ZYX: variants seen among roughly 807,000 people sequenced by gnomAD.
ZYX encodes zyxin, also known as zyxin-2.
ZYX carries 37 observed loss-of-function variants against 58.1 expected under a neutral mutation model. The observed-to-expected ratio is 0.64, with a 90% CI of 0.49 to 0.84. ZYX has a LOEUF of 0.84. Ranked by LOEUF, ZYX falls within the 40% of genes least tolerant of loss-of-function variation. The probability of loss-of-function intolerance (pLI) is 0.00; values close to 1 mark genes in which losing one functional copy is unlikely to be tolerated. For missense variants in ZYX, 762 were observed against 761.6 expected (o/e 1.00, Z -0.01); for synonymous variants, 324 against 321.1 (o/e 1.01, Z -0.10).
rs371072304 is a variant in ZYX at position 143,388,541 on chromosome 7, C to T, written c.1197C>T (p.Arg399=). The T allele has an allele frequency of 5.8e-5, 93 of 1,611,024 alleles. No homozygotes were observed. The highest frequency in any genetic ancestry group is 1.8e-4 in the South Asian group (16 of 91,068). ...TGGCCCGGGCGCAGCCAGCCGTCCGCGCTCTAGGGCAGCTGTTCCACATCG... is the reference window on the plus strand; with the variant it reads ...TGGCCCGGGCGCAGCCAGCCGTCCGTGCTCTAGGGCAGCTGTTCCACATCG... The part of the protein sequence containing the change: ...QPLARAQPAV[R]ALGQLFHIAC... The change falls in exon 7 of 10, where the codon CGC becomes CGT. Residue 399 remains arginine (R), a synonymous_variant. Coordinates refer to ENST00000322764, the MANE Select transcript of ZYX (RefSeq NM_003461.5). The surrounding 1 kb of genome is among the most constrained non-coding windows in gnomAD (Gnocchi z 7.5).
rs763603272 is a variant in ZYX, at chr7:143,388,273, G to C, written c.1078G>C (p.Glu360Gln). ...PLTLKEVEEL[E>Q]QLTQQLMQDM... ...GACTCTGAAGGAGGTGGAGGAGCTGGAGCAGCTGACCCAGCAGCTAATGCA... is the reference window on the plus strand; with the variant it reads ...GACTCTGAAGGAGGTGGAGGAGCTGCAGCAGCTGACCCAGCAGCTAATGCA... Residue 360 changes from glutamate to glutamine, a missense_variant, in exon 6 of 10, where the codon GAG becomes CAG. Glu to Gln is a conservative substitution (Grantham distance 29). Transcript: ENST00000322764. The surrounding 1 kb of genome is among the most constrained non-coding windows in gnomAD (Gnocchi z 7.5). 5 of 1,613,360 alleles carry C rather than the reference G, an allele frequency of 3.1e-6. No individual in the cohort carries two copies. Among genetic ancestry groups the C allele is most frequent in the African/African-American group, 1.3e-5 (1 of 74,814 alleles).
rs964888972 is a variant in ZYX, at chr7:143,389,466, ACAGT to A, written c.1494-387_1494-384del. Among the ~76,000 whole-genome samples, 4 of 152,118 alleles carry A rather than the reference ACAGT, an allele frequency of 2.6e-5. No individual in the cohort carries two copies. The highest frequency in any genetic ancestry group is 6.6e-5 in the Admixed American group (1 of 15,266). On this transcript the variant is annotated intron_variant, in intron 8 of 9. Transcript: ENST00000322764. The surrounding 1 kb of genome is among the most constrained non-coding windows in gnomAD (Gnocchi z 5.6). Reference sequence around the variant, plus strand: ...ACTTCACATCCCTCCACAGTGCCAGACAGTCAGGGCAGAGGCAACGTGCATGGGG... The same window carrying A: ...ACTTCACATCCCTCCACAGTGCCAGACAGGGCAGAGGCAACGTGCATGGGG...
rs1346211132 is a variant in ZYX, at chr7:143,384,108, C to G, written c.1023+786C>G. ...CTTCTAGTTCAGGAAATAAGATCGT[C>G]CAATTTCTGGTGACGAAGATGACCC... On this transcript the variant is annotated intron_variant, in intron 5 of 9. Transcript: ENST00000322764. This position sits in a 1 kb window ranked among gnomAD's most constrained non-coding sequence, Gnocchi z 4.9. 4 of 450,462 alleles carry G rather than the reference C, an allele frequency of 8.9e-6. No individual in the cohort carries two copies. The highest frequency in any genetic ancestry group is 6.5e-5 in the South Asian group (4 of 61,538). The allele number at this position is 450,462 out of a possible 1,614,324, so 27.9% of individuals were successfully genotyped here. A position where few individuals can be genotyped will look rare whatever the true frequency, so the allele number is the denominator to read the frequency against.
Position 143,389,735 on chromosome 7 carries a change from T to C in ZYX, c.1494-122T>C. 4.2e-6 allele frequency: 6 copies of C among 1,429,314 alleles called. No individual in the cohort carries two copies. Among genetic ancestry groups the C allele is most frequent in the Non-Finnish European group, 5.7e-6 (6 of 1,060,102 alleles). The allele number at this position is 1,429,314 out of a possible 1,614,324, so 88.5% of individuals were successfully genotyped here. A position where few individuals can be genotyped will look rare whatever the true frequency, so the allele number is the denominator to read the frequency against. On this transcript the variant is annotated intron_variant, in intron 8 of 9. Transcript: ENST00000322764. The surrounding 1 kb of genome is among the most constrained non-coding windows in gnomAD (Gnocchi z 5.6). Reference sequence around the variant, plus strand: ...CACTCTTAGGCCCTTCTGGTGAGCTTCCTTCACCTGGAGATGCAGGGCAGA... The same window carrying C: ...CACTCTTAGGCCCTTCTGGTGAGCTCCCTTCACCTGGAGATGCAGGGCAGA...
rs1586574643 is a variant in ZYX at position 143,391,029 on chromosome 7, A to C, written c.*347A>C. 3.2e-6 allele frequency: 1 copy of C among 314,088 alleles called. No individual in the cohort carries two copies. The highest frequency in any genetic ancestry group is 6.0e-6 in the Non-Finnish European group (1 of 167,266). The allele number at this position is 314,088 out of a possible 1,614,324, so 19.5% of individuals were successfully genotyped here. The stretch of plus-strand genomic sequence containing the variant: ...TACTCTGCTTGCGGAGGGCTGGGAG[A>C]CCCTCCAGGACATTCCCACCCTCCC... On this transcript the variant is annotated 3_prime_UTR_variant, in exon 10 of 10. Coordinates refer to ENST00000322764, the MANE Select transcript of ZYX (RefSeq NM_003461.5).
In ZYX at chr7:143,382,683, CG is replaced by C. The variant is rs771738707; in HGVS notation, c.501+1del. On this transcript the variant is annotated frameshift_variant and splice_region_variant, in exon 4 of 10. Transcript: ENST00000322764. LOFTEE classifies it high-confidence loss of function. ...DMTKNDPFKA[R>X]VSSGYVPPPV... The stretch of plus-strand genomic sequence containing the variant: ...GACCAAGAATGATCCTTTCAAAGCC[CG>C]GGTAAGGGACCGGAGAGTAGGAAAA... 3.7e-6 allele frequency: 6 copies of C among 1,614,062 alleles called. No individual in the cohort carries two copies. Among genetic ancestry groups the C allele is most frequent in the Non-Finnish European group, 4.2e-6 (5 of 1,179,974 alleles).
At position 143,384,918 on chromosome 7, in the gene ZYX, G is replaced by C. The variant is rs1456735744; in HGVS notation, c.1023+1596G>C. Among the ~76,000 whole-genome samples the C allele has an allele frequency of 3.9e-5, 6 of 152,182 alleles. No individual in the cohort carries two copies. The East Asian group carries it at 1.2e-3, about 29-fold the overall frequency. ...GACTTTCAGCTGGGGCCGTCATTCA[G>C]CTAGAAATCCAGGGCTAGGTTTCAG... is the stretch of plus-strand genomic sequence containing the variant. On this transcript the variant is annotated intron_variant, in intron 5 of 9. Coordinates refer to ENST00000322764, the MANE Select transcript of ZYX (RefSeq NM_003461.5). The surrounding 1 kb of genome is among the most constrained non-coding windows in gnomAD (Gnocchi z 4.9).
In ZYX at chr7:143,388,430, A is replaced by C; in HGVS notation, c.1145-59A>C. Reference sequence around the variant, plus strand: ...CTCCACTCCCTATCTGAGCTGGCTGATCCCTCGCAGCTCTACATACTTCCT... The same window carrying C: ...CTCCACTCCCTATCTGAGCTGGCTGCTCCCTCGCAGCTCTACATACTTCCT... On this transcript the variant is annotated intron_variant, in intron 6 of 9. Transcript: ENST00000322764. This position sits in a 1 kb window ranked among gnomAD's most constrained non-coding sequence, Gnocchi z 7.5. 1 of 1,604,304 alleles carries C rather than the reference A, an allele frequency of 6.2e-7. No individual in the cohort carries two copies. The highest frequency in any genetic ancestry group is 8.5e-7 in the Non-Finnish European group (1 of 1,172,966).
Sources: gnomAD v4.1 joint callset for allele counts (sites outside exome capture counted in the v4.1 genomes callset) on GRCh38, gnomAD v4.1.1 for gene constraint, Gnocchi (gnomAD v3.1) non-coding constraint, MANE v1.5 for transcripts, NCBI Gene and HGNC (gene_info 2026-07-23, HGNC 2026-07-21) for gene names.